The following SUMF1 variants were observed in gnomAD, a reference collection of about 807,000 sequenced individuals.
The protein encoded by SUMF1 is sulfatase modifying factor 1, also known as formylglycine-generating enzyme.
In SUMF1, 48 loss-of-function variants were observed where a neutral mutation model predicts 47.6. That is an observed-to-expected ratio of 1.01 (90% CI 0.80 to 1.28). The LOEUF (loss-of-function observed/expected upper bound fraction) is 1.28, where lower values mean the gene tolerates loss of function less well. Ranked by LOEUF, SUMF1 falls within the 50% of genes most tolerant of loss-of-function variation. The probability of loss-of-function intolerance (pLI) is 0.00; values close to 1 mark genes in which losing one functional copy is unlikely to be tolerated. For synonymous variants in SUMF1, 230 were observed against 192.1 expected (o/e 1.20, Z -1.63); for missense variants, 571 against 485.4 (o/e 1.18, Z -1.66).
rs543218789 is a variant in SUMF1 at position 4,439,504 on chromosome 3, T to C, written c.519+9762A>G. On this transcript the variant is annotated intron_variant, in intron 3 of 8. Coordinates refer to ENST00000272902, the MANE Select transcript of SUMF1 (RefSeq NM_182760.4). ...TTACACCACTGAACTCCAGCCTGGG[T>C]GACAGAGCCAAACCCTGTCTCAAAA... 1.5e-4 allele frequency among the ~76,000 whole-genome samples: 23 copies of C among 151,978 alleles called. No homozygotes were observed. In the South Asian group the frequency reaches 4.2e-3, roughly 27 times the overall value.
chr3:4,348,942 G>A (rs1158028468), intron 8 of SUMF1, among the ~76,000 whole-genome samples: 2 of 152,098 alleles, frequency 1.3e-5, no homozygotes, highest in Non-Finnish European at 2.9e-5. Context: ...TAGGCATGGG[G>A]AAAGACTTCA....
At chr3:4,408,105 A>G (rs543104256) in intron 7 of SUMF1, among the ~76,000 whole-genome samples, 5 of 152,338 alleles carry the variant, frequency 3.3e-5, no homozygotes, top group African/African-American at 1.2e-4. Context: ...AATGTCTGCT[A>G]GTCAGCCAAA....
At chr3:4,281,544 G>C (rs1697529335) in intron 8 of SUMF1, among the ~76,000 whole-genome samples, 1 of 152,144 alleles carries the variant, frequency 6.6e-6, no homozygotes, top group Admixed American at 6.5e-5. Context: ...ATAAGTAGCA[G>C]AACCAGCGCT....
At chr3:4,132,295 G>A (rs1693810863) in intron 8 of SUMF1, among the ~76,000 whole-genome samples, 1 of 152,058 alleles carries the variant, frequency 6.6e-6, no homozygotes, top group South Asian at 2.1e-4. Flanking sequence ...GTGCAGCTGT[G>A]GACTCATGCT....
intron 8 of SUMF1, among the ~76,000 whole-genome samples, chr3:4,312,258 G>C (rs1423639530): frequency 2.0e-5 from 3 of 151,748 alleles, no homozygotes; most frequent in Non-Finnish European, 4.4e-5. Context: ...TATATTATCA[G>C]GTAAAGGTAA....
intron 8 of SUMF1, among the ~76,000 whole-genome samples, chr3:4,148,395 C>A (rs1430540323): frequency 6.6e-6 from 1 of 152,092 alleles, no homozygotes; most frequent in East Asian, 1.9e-4. Context: ...CAATAGTAAT[C>A]TTCTGGGTCA....
chr3:4,219,697 T>C lies in SUMF1; in HGVS notation c.1015-150952A>G, dbSNP rs1478822999. Among the ~76,000 whole-genome samples the C allele has an allele frequency of 3.9e-5, 6 of 152,146 alleles. 1 individual carries two copies. The highest frequency in any genetic ancestry group is 8.8e-5 in the Non-Finnish European group (6 of 68,026). On this transcript the variant is annotated intron_variant and NMD_transcript_variant, in intron 8 of 12. Transcript: ENST00000448413. ...TACCATGCAGGCCAGTTTTTCTCAA[T>C]ATTGTTTCTGAGGTACCTCCATAAG...
chr3:4,103,211 C>T (rs1303187743), intron 8 of SUMF1, among the ~76,000 whole-genome samples: 1 of 150,868 alleles, frequency 6.6e-6, no homozygotes, highest in Non-Finnish European at 1.5e-5. Flanking sequence ...GCATGAGCCA[C>T]TGTGCCCGGC....
At chr3:4,356,241 T>C (rs1029626817), downstream of SUMF1, among the ~76,000 whole-genome samples, 1 of 152,234 alleles carries the variant, frequency 6.6e-6, no homozygotes, top group Non-Finnish European at 1.5e-5. Context: ...TAGGGTGGTT[T>C]GTATCCAGAG....
At chr3:4,181,753 C>T (rs762317967) in intron 8 of SUMF1, among the ~76,000 whole-genome samples, 3 of 152,122 alleles carry the variant, frequency 2.0e-5, no homozygotes, top group Non-Finnish European at 4.4e-5. Flanking sequence ...TGAGCCTACC[C>T]TTGGACCTGG....
intron 9 of SUMF1, among the ~76,000 whole-genome samples, chr3:4,066,862 TA>T (rs1237419665): frequency 6.6e-6 from 1 of 152,186 alleles, no homozygotes; most frequent in Non-Finnish European, 1.5e-5. Context: ...CATACGAGCA[TA>T]AGACCTAAGG....
chr3:4,077,436 G>C (rs994813622), intron 8 of SUMF1, among the ~76,000 whole-genome samples: 2 of 152,100 alleles, frequency 1.3e-5, no homozygotes, highest in African/African-American at 4.8e-5. Flanking sequence ...ACTGGATAAA[G>C]AAAATGTGGC....
chr3:4,193,048 G>T (rs1448260868), intron 8 of SUMF1, among the ~76,000 whole-genome samples: 1 of 151,976 alleles, frequency 6.6e-6, no homozygotes, highest in Non-Finnish European at 1.5e-5. Flanking sequence ...TTTTTTAAAT[G>T]CAGTCCAGAT....
At chr3:4,237,355 A>T (rs1696432525) in intron 8 of SUMF1, among the ~76,000 whole-genome samples, 1 of 151,972 alleles carries the variant, frequency 6.6e-6, no homozygotes, top group Non-Finnish European at 1.5e-5. Flanking sequence ...CATTTTTTTA[A>T]ATTTGCAATT....
chr3:4,366,406 TG>T (rs1311958126), intron 8 of SUMF1, among the ~76,000 whole-genome samples: 1 of 152,082 alleles, frequency 6.6e-6, no homozygotes, highest in Non-Finnish European at 1.5e-5. Context: ...TTGGAGGCTT[TG>T]TTCATTTCTT....
At chr3:4,257,879 AACCAAAACAGCATGGTACTGGT>A (rs1214395123) in intron 8 of SUMF1, among the ~76,000 whole-genome samples, 2 of 151,262 alleles carry the variant, frequency 1.3e-5, no homozygotes, top group Admixed American at 6.6e-5. Flanking sequence ...AGGCTACAGT[AACCAAAACAGCATGGTACTGGT>A]ACCAAAACAG....
intron 7 of SUMF1, among the ~76,000 whole-genome samples, chr3:4,393,142 G>A (rs898717602): frequency 1.3e-5 from 2 of 152,200 alleles, no homozygotes; most frequent in Admixed American, 1.3e-4. Context: ...TTTCTGGCTG[G>A]TCTACCACCC....
chr3:4,323,535 T>A (rs910746356), intron 8 of SUMF1, among the ~76,000 whole-genome samples: 1 of 152,096 alleles, frequency 6.6e-6, no homozygotes, highest in Non-Finnish European at 1.5e-5. Context: ...GTATGTGAAT[T>A]GTATCTCCTT....
chr3:4,352,990 T>C (rs1699536798), intron 8 of SUMF1, among the ~76,000 whole-genome samples: 1 of 152,204 alleles, frequency 6.6e-6, no homozygotes, highest in African/African-American at 2.4e-5. Flanking sequence ...CTTGCTCTTC[T>C]CCTAGATGAA....
Sources: allele counts gnomAD v4.1 joint callset (sites outside exome capture counted in the v4.1 genomes callset), GRCh38; gene constraint gnomAD v4.1.1; transcripts MANE v1.5; gene names NCBI Gene and HGNC (gene_info 2026-07-23, HGNC 2026-07-21).